The following FAM135A variants were observed in gnomAD, a reference collection of about 807,000 sequenced individuals.
FAM135A encodes the protein family with sequence similarity 135 member A, also known as protein FAM135A.
FAM135A carries 79 observed loss-of-function variants against 146.8 expected under a neutral mutation model. The observed-to-expected ratio is 0.54, with a 90% CI of 0.45 to 0.65. The LOEUF is 0.65. FAM135A is among the 30% of genes least tolerant of loss of function. FAM135A has a pLI of 0.00. For synonymous variants in FAM135A, 562 were observed against 603.6 expected (o/e 0.93, Z 1.01); for missense variants, 1,623 against 1,758.2 (o/e 0.92, Z 1.38).
At chr6:70,475,296 GATA>G (rs1370410774) in intron 5 of FAM135A, 111 bp from the exon 6 acceptor site, 5 of 827,894 alleles carry the variant, frequency 6.0e-6, no homozygotes, top group Admixed American at 7.2e-5. Flanking sequence ...AGTATAAATT[GATA>G]ATGACACTAT....
rs1038115257 is a variant in FAM135A, at chr6:70,522,450, A to G, written c.1030-63A>G. 5.5e-6 allele frequency: 8 copies of G among 1,443,144 alleles called. No homozygotes were observed. In the Admixed American group the frequency reaches 1.4e-4, roughly 25 times the overall value. The allele number at this position is 1,443,144 out of a possible 1,614,324, so 89.4% of individuals were successfully genotyped here. ...TGGAGGCAGTTTCTCTCCTTACCAT[A>G]AGATGCCGGATTGACTTTTTAAATA... On this transcript the variant is annotated intron_variant, in intron 12 of 21. Coordinates refer to ENST00000418814, the MANE Select transcript of FAM135A (RefSeq NM_001162529.3).
chr6:70,478,033 T>C (rs1290976851), intron 8 of FAM135A, among the ~76,000 whole-genome samples: 1 of 152,168 alleles, frequency 6.6e-6, no homozygotes, highest in Non-Finnish European at 1.5e-5. Flanking sequence ...AATTTTTTCT[T>C]ATTTTTTCTT....
At chr6:70,519,120 A>T (rs1014000505) in intron 12 of FAM135A, among the ~76,000 whole-genome samples, 17 of 152,218 alleles carry the variant, frequency 1.1e-4, no homozygotes, top group Non-Finnish European at 4.4e-5. Context: ...ATCAACATGA[A>T]CAGAAGTTTG....
intron 15 of FAM135A, among the ~76,000 whole-genome samples, chr6:70,527,040 C>T (rs9455144): frequency 0.29 from 43,607 of 151,828 alleles, 8,469 homozygotes; most frequent in African/African-American, 0.55. Flanking sequence ...TATGGAATAA[C>T]TGAGCTTAAA....
intron 20 of FAM135A, among the ~76,000 whole-genome samples, chr6:70,551,261 T>C (rs1799778306): frequency 6.6e-6 from 1 of 152,214 alleles, no homozygotes; most frequent in South Asian, 2.1e-4. Flanking sequence ...CAGCGTGTCT[T>C]GGCTTTTGAT....
At chr6:70,490,993 T>C in intron 10 of FAM135A, 41 bp from the exon 11 acceptor site, 1 of 1,422,188 alleles carries the variant, frequency 7.0e-7, no homozygotes. Context: ...AAATTAAATA[T>C]CTAACATTGG....
chr6:70,433,214 A>G (rs1772114502), intron 4 of FAM135A, among the ~76,000 whole-genome samples: 1 of 151,858 alleles, frequency 6.6e-6, no homozygotes, highest in East Asian at 1.9e-4. Flanking sequence ...AGCTGGGACT[A>G]CAGGCGCCCA....
intron 20 of FAM135A, among the ~76,000 whole-genome samples, chr6:70,552,316 C>G (rs1018074386): frequency 1.3e-5 from 2 of 151,570 alleles, no homozygotes; most frequent in Non-Finnish European, 2.9e-5. Flanking sequence ...TTATATAAAC[C>G]CTTTATATAA....
At chr6:70,441,064 A>G (rs554860755) in intron 4 of FAM135A, among the ~76,000 whole-genome samples, 15 of 152,270 alleles carry the variant, frequency 9.9e-5, no homozygotes, top group African/African-American at 3.1e-4. Flanking sequence ...GTGCCAATAT[A>G]AACTCATGGA....
intron 4 of FAM135A, among the ~76,000 whole-genome samples, chr6:70,447,423 A>G (rs1304550829): frequency 2.0e-5 from 3 of 152,144 alleles, no homozygotes; most frequent in African/African-American, 7.2e-5. Context: ...ATGTATTTGT[A>G]CCCCTTTTAA....
Position 70,434,650 on chromosome 6 carries a change from T to C in FAM135A, c.77+6231T>C, listed in dbSNP as rs1772532944. On this transcript the variant is annotated intron_variant, in intron 4 of 21. Transcript: ENST00000418814. The stretch of plus-strand genomic sequence containing the variant: ...GCTTTAGAATATTAGCAATGGCATC[T>C]TGAGTGGAGTTGGGTTTCATTCATT... Among the ~76,000 whole-genome samples the C allele has an allele frequency of 2.0e-5, 3 of 152,234 alleles. 1 individual carries two copies. The South Asian group carries it at 6.2e-4, about 31-fold the overall frequency.
At chr6:70,552,183 A>G (rs529251452) in intron 20 of FAM135A, among the ~76,000 whole-genome samples, 6 of 152,322 alleles carry the variant, frequency 3.9e-5, no homozygotes, top group Non-Finnish European at 1.5e-5. Context: ...ACATCTGGCA[A>G]AATGTTATAT....
intron 12 of FAM135A, chr6:70,513,500 G>A (rs557094498): frequency 1.3e-5 from 2 of 151,056 alleles, no homozygotes; most frequent in South Asian, 2.1e-4. Context: ...GACAATTTGT[G>A]GGCATGATAT....
rs751325691 is a variant in FAM135A, at chr6:70,556,737, A to C, written c.4229-13A>C. 8 of 1,544,858 alleles carry C rather than the reference A, an allele frequency of 5.2e-6. No individual in the cohort carries two copies. Among genetic ancestry groups the C allele is most frequent in the Non-Finnish European group, 7.1e-6 (8 of 1,132,714 alleles). On this transcript the variant is annotated splice_polypyrimidine_tract_variant and intron_variant, in intron 20 of 21. Coordinates refer to ENST00000418814, the MANE Select transcript of FAM135A (RefSeq NM_001162529.3). Reference sequence around the variant, plus strand: ...TAACTACTGCATTATAATTTATTATATTCTATTCACAGGGCTTCATTATTT... The same window carrying C: ...TAACTACTGCATTATAATTTATTATCTTCTATTCACAGGGCTTCATTATTT...
chr6:70,536,934 A>ATTTTTTTTTT (rs780326510), intron 19 of FAM135A, among the ~76,000 whole-genome samples: 1 of 128,932 alleles, frequency 7.8e-6, no homozygotes, highest in Admixed American at 7.9e-5. Flanking sequence ...TGGTACTTTG[A>ATTTTTTTTTT]TTTTTTTTTT....
chr6:70,430,729 A>C (rs1325137825), intron 4 of FAM135A, among the ~76,000 whole-genome samples: 1 of 152,240 alleles, frequency 6.6e-6, no homozygotes, highest in Non-Finnish European at 1.5e-5. Context: ...CTACAGCTAC[A>C]TCCTTGAGTT....
intron 5 of FAM135A, among the ~76,000 whole-genome samples, chr6:70,456,828 A>G (rs1012972760): frequency 6.6e-6 from 1 of 152,244 alleles, no homozygotes; most frequent in Admixed American, 6.5e-5. Flanking sequence ...GAAAAGATTT[A>G]ACAGTAACCC....
chr6:70,500,498 A>G (rs556604746), intron 11 of FAM135A, among the ~76,000 whole-genome samples: 3 of 151,882 alleles, frequency 2.0e-5, no homozygotes, highest in African/African-American at 7.2e-5. Flanking sequence ...CGTCAGTCTC[A>G]CTCTCCGTCC....
intron 12 of FAM135A, chr6:70,503,763 C>T (rs1789111296): frequency 6.6e-6 from 1 of 152,144 alleles, no homozygotes; most frequent in South Asian, 2.1e-4. Flanking sequence ...GTATTCTTCT[C>T]TATCTTGCTT....
Sources: allele counts gnomAD v4.1 joint callset (sites outside exome capture counted in the v4.1 genomes callset), GRCh38; gene constraint gnomAD v4.1.1; transcripts MANE v1.5; gene names NCBI Gene and HGNC (gene_info 2026-07-23, HGNC 2026-07-21).